The following DOCK8 variants were observed in gnomAD, a reference collection of about 807,000 sequenced individuals.
The protein encoded by DOCK8 is dedicator of cytokinesis 8.
In DOCK8, 141 loss-of-function variants were observed where a neutral mutation model predicts 245.6. That is an observed-to-expected ratio of 0.57 (90% CI 0.50 to 0.66). DOCK8 has a LOEUF of 0.66. Among genes scored for constraint, DOCK8 ranks in the 30% least tolerant of loss-of-function variants. The pLI, the probability that DOCK8 is intolerant of heterozygous loss-of-function variation, is 0.00. For missense variants in DOCK8, 2,965 were observed against 2,603.4 expected (o/e 1.14, Z -3.02); for synonymous variants, 1,168 against 970.2 (o/e 1.20, Z -3.79).
chr9:385,825 A>G (rs2053927648), intron 22 of DOCK8, among the ~76,000 whole-genome samples: 1 of 152,248 alleles, frequency 6.6e-6, no homozygotes, highest in African/African-American at 2.4e-5. Context: ...TTTCTTTAAT[A>G]AAATGAAAAT....
chr9:265,532 C>A (rs2048017458), intron 1 of DOCK8, among the ~76,000 whole-genome samples: 1 of 152,184 alleles, frequency 6.6e-6, no homozygotes, highest in South Asian at 2.1e-4. Flanking sequence ...CTTTACCCCA[C>A]CCCTTTCACT....
intron 14 of DOCK8, among the ~76,000 whole-genome samples, chr9:342,798 C>A (rs928296928): frequency 1.3e-5 from 2 of 152,062 alleles, no homozygotes; most frequent in African/African-American, 4.8e-5. Flanking sequence ...GTTTAGTATT[C>A]CTTTGTGAAG....
At chr9:388,575 G>A (rs551860188) in intron 23 of DOCK8, among the ~76,000 whole-genome samples, 1 of 148,648 alleles carries the variant, frequency 6.7e-6, no homozygotes, top group South Asian at 2.1e-4. Context: ...TTTTGAAACA[G>A]AGTCTCACTT....
intron 1 of DOCK8, among the ~76,000 whole-genome samples, chr9:230,410 A>G (rs1194016650): frequency 6.6e-6 from 1 of 152,166 alleles, no homozygotes; most frequent in South Asian, 2.1e-4. Flanking sequence ...CTTTGGGAAT[A>G]TACCCAGTAA....
Position 422,128 on chromosome 9 carries a change from C to CT in DOCK8, c.4235dup (p.Asp1413ArgfsTer2), listed in dbSNP as rs1486504113. 31 of 1,613,856 alleles carry CT rather than the reference C, an allele frequency of 1.9e-5. No homozygotes were observed. Among genetic ancestry groups the CT allele is most frequent in the Non-Finnish European group, 2.5e-5 (29 of 1,179,938 alleles). On this transcript the variant is annotated frameshift_variant, in exon 33 of 48. Transcript: ENST00000432829. LOFTEE classifies it high-confidence loss of function. The stretch of plus-strand genomic sequence containing the variant: ...ACATTGGCGGCAAGCTAATGAGAAG[C>CT]TAGATAAGTGAGTCACTCGGCAACT...
At chr9:226,326 ACAAC>A in intron 1 of DOCK8, among the ~76,000 whole-genome samples, 1 of 152,190 alleles carries the variant, frequency 6.6e-6, no homozygotes, top group African/African-American at 2.4e-5. Context: ...ATTATCTCGC[ACAAC>A]ATGTGGGGAT....
intron 7 of DOCK8, among the ~76,000 whole-genome samples, chr9:323,472 C>G (rs1471318695): frequency 6.6e-6 from 1 of 152,018 alleles, no homozygotes; most frequent in African/African-American, 2.4e-5. Flanking sequence ...CCGCTTGCCT[C>G]GGCCTCCCAA....
At chr9:374,552 C>CA (rs2053443078) in intron 18 of DOCK8, among the ~76,000 whole-genome samples, 1 of 138,372 alleles carries the variant, frequency 7.2e-6, no homozygotes. Flanking sequence ...ATCTTGAACT[C>CA]ATAGGCTCAA....
chr9:311,641 G>T (rs143049705), intron 5 of DOCK8, among the ~76,000 whole-genome samples: 1 of 152,218 alleles, frequency 6.6e-6, no homozygotes, highest in African/African-American at 2.4e-5. Context: ...GGCCCCCCCA[G>T]CCCCAGGAAA....
intron 1 of DOCK8, among the ~76,000 whole-genome samples, chr9:231,116 A>T (rs920595948): frequency 6.6e-6 from 1 of 152,144 alleles, no homozygotes; most frequent in African/African-American, 2.4e-5. Context: ...AGCTTTCTAC[A>T]TATGGCTAGC....
chr9:336,457 A>G, intron 11 of DOCK8, 125 bp from the exon 12 acceptor site: 5 of 1,336,092 alleles, frequency 3.7e-6, no homozygotes, highest in Non-Finnish European at 5.3e-6. Context: ...TTTTCATTCA[A>G]AACAAGGATG....
intron 2 of DOCK8, among the ~76,000 whole-genome samples, chr9:275,845 T>A (rs1475434258): frequency 6.7e-6 from 1 of 149,766 alleles, no homozygotes; most frequent in Non-Finnish European, 1.5e-5. Flanking sequence ...CACCTCGGCC[T>A]CCCAAAGTGC....
intron 1 of DOCK8, among the ~76,000 whole-genome samples, chr9:265,495 C>A (rs679520): frequency 0.38 from 57,406 of 151,884 alleles, 11,536 homozygotes; most frequent in East Asian, 0.78. Flanking sequence ...TCGTTCGTTA[C>A]CAAGAGTAAA....
intron 26 of DOCK8, among the ~76,000 whole-genome samples, chr9:400,971 C>CCTT (rs2055035046): frequency 4.9e-5 from 7 of 141,640 alleles, no homozygotes; most frequent in Admixed American, 1.4e-4. Context: ...ACCACCTCCT[C>CCTT]CACCATCACC....
chr9:362,341 A>G (rs2052769961), intron 14 of DOCK8, among the ~76,000 whole-genome samples: 1 of 152,200 alleles, frequency 6.6e-6, no homozygotes, highest in South Asian at 2.1e-4. Context: ...CCCATGACCT[A>G]TTTGCCAATC....
chr9:415,692 G>GCACACACGCACACACGCACGCA (rs1554699022), intron 29 of DOCK8, among the ~76,000 whole-genome samples: 4 of 150,978 alleles, frequency 2.6e-5, no homozygotes, highest in African/African-American at 7.3e-5. Context: ...GTGCGCGCGT[G>GCACACACGCACACACGCACGCA]CACACACACA....
chr9:271,052 C>CG (rs2048150154), intron 1 of DOCK8, among the ~76,000 whole-genome samples: 1 of 152,182 alleles, frequency 6.6e-6, no homozygotes, highest in Non-Finnish European at 1.5e-5. Context: ...GAGCATTGTC[C>CG]ACATGGGTGA....
At chr9:285,624 A>G (rs1035559351) in intron 2 of DOCK8, among the ~76,000 whole-genome samples, 2 of 152,204 alleles carry the variant, frequency 1.3e-5, no homozygotes, top group Non-Finnish European at 2.9e-5. Flanking sequence ...CACAGAAAAG[A>G]AAATATATTT....
At chr9:284,433 A>G (rs1164112832) in intron 2 of DOCK8, 2 of 152,190 alleles carry the variant, frequency 1.3e-5, no homozygotes, top group Non-Finnish European at 1.5e-5. Context: ...CCCCAGTCAG[A>G]ACCAAGGGAA....
Sources: allele counts gnomAD v4.1 joint callset (sites outside exome capture counted in the v4.1 genomes callset), GRCh38; gene constraint gnomAD v4.1.1; transcripts MANE v1.5; gene names NCBI Gene and HGNC (gene_info 2026-07-23, HGNC 2026-07-21).